ALG13: variants seen among roughly 807,000 people sequenced by gnomAD.
ALG13 encodes ALG13 UDP-N-acetylglucosaminyltransferase subunit.
A neutral mutation model predicts 87.8 loss-of-function variants in ALG13; 11 were observed. The ratio of observed to expected loss-of-function variants is 0.13; its 90% CI spans 0.08 to 0.21. The LOEUF (loss-of-function observed/expected upper bound fraction) is 0.21. Ranked by LOEUF, ALG13 falls within the 10% of genes least tolerant of loss-of-function variation. The pLI, the probability that ALG13 is intolerant of heterozygous loss-of-function variation, is 1.00. For missense variants in ALG13, 756 were observed against 866.1 expected, an observed-to-expected ratio of 0.87 and a Z score of 1.60; for synonymous variants, 320 against 306.3, an observed-to-expected ratio of 1.04 and a Z score of -0.47.
chrX:111,735,078 A>C lies in ALG13; in HGVS notation c.2485A>C (p.Met829Leu). ...LSLQDRKSCS[M>L]SPQDTVTSYN... ...TCTTCAGGACAGAAAGTCATGTTCT[A>C]TGTCTCCTCAGGACACAGTTACCTC... The change falls in exon 22 of 27, where the codon ATG becomes CTG. Residue 829 changes from methionine (M) to leucine (L), a missense_variant. Physicochemically the swap from Met to Leu is conservative, Grantham distance 15. Around this residue, in one of 9 missense-constraint regions of ALG13, gnomAD observed 362 missense variants for 383.5 expected, o/e 0.94. Coordinates refer to ENST00000394780, the MANE Select transcript of ALG13 (RefSeq NM_001099922.3). 8.4e-7 allele frequency: 1 copy of C among 1,193,702 alleles called. No individual in the cohort carries two copies. The highest frequency in any genetic ancestry group is 1.1e-6 in the Non-Finnish European group (1 of 880,711).
At chrX:111,742,856 A>G (rs773678845) in intron 23 of ALG13, among the ~76,000 whole-genome samples, 1 of 112,449 alleles carries the variant, frequency 8.9e-6, no homozygotes, top group Non-Finnish European at 1.9e-5. Flanking sequence ...TTCTGAATGC[A>G]TTACGTTGAT....
chrX:111,697,867 A>C (rs1410031338), intron 3 of ALG13, among the ~76,000 whole-genome samples: 1 of 111,739 alleles, frequency 8.9e-6, no homozygotes, highest in African/African-American at 3.3e-5. Context: ...AGGTCTTAAA[A>C]CTATTTCAGA....
chrX:111,759,144 ATTT>A (rs60549732), intron 26 of ALG13, among the ~76,000 whole-genome samples: 2 of 92,719 alleles, frequency 2.2e-5, no homozygotes. Flanking sequence ...CAAGTAATGA[ATTT>A]TTTTTTTTTT....
At chrX:111,683,396 C>T (rs1934061563) in intron 2 of ALG13, among the ~76,000 whole-genome samples, 1 of 97,060 alleles carries the variant, frequency 1.0e-5, no homozygotes, top group Admixed American at 1.2e-4. Context: ...GTGATGCTAT[C>T]TCGGCTCACT....
Position 111,708,296 on chromosome X carries a change from A to G in ALG13, c.653A>G (p.Asn218Ser), listed in dbSNP as rs1381356440. Residue 218 changes from asparagine (N) to serine (S), a missense_variant, in exon 4 of 27, where the codon AAT becomes AGT. Asn to Ser is a conservative substitution (Grantham distance 46). This residue lies in a region of ALG13 where 153 missense variants were observed against 168.7 expected (regional missense o/e 0.91). Coordinates refer to ENST00000394780, the MANE Select transcript of ALG13 (RefSeq NM_001099922.3). ...AACTACTGCAGCCAGAAGTCTTTGA[A>G]TGAGGCATCAATGGATGAATATTTA... is the stretch of plus-strand genomic sequence containing the variant. ...WKNYCSQKSL[N>S]EASMDEYLGS... 2 of 1,210,166 alleles carry G rather than the reference A, an allele frequency of 1.7e-6. No individual in the cohort carries two copies. Among genetic ancestry groups the G allele is most frequent in the Non-Finnish European group, 2.2e-6 (2 of 895,235 alleles).
intron 11 of ALG13, among the ~76,000 whole-genome samples, chrX:111,720,727 A>C (rs745586558): frequency 3.1e-4 from 35 of 111,758 alleles, no homozygotes; most frequent in African/African-American, 1.1e-3. Context: ...GAAAAATGGT[A>C]GTTCCTTTGG....
At chrX:111,711,527 CA>C in intron 5 of ALG13, 147 bp from the exon 6 acceptor site, 1 of 455,133 alleles carries the variant, frequency 2.2e-6, no homozygotes, top group Non-Finnish European at 3.6e-6. Flanking sequence ...TGTGTATGTG[CA>C]AATCTTCTTG....
intron 24 of ALG13, among the ~76,000 whole-genome samples, chrX:111,748,304 A>C (rs1446380160): frequency 1.8e-5 from 2 of 112,091 alleles, no homozygotes; most frequent in African/African-American, 6.5e-5. Context: ...CTAACATATA[A>C]ATTATTTCTT....
At chrX:111,700,466 G>A (rs1013383778) in intron 3 of ALG13, among the ~76,000 whole-genome samples, 1 of 110,631 alleles carries the variant, frequency 9.0e-6, no homozygotes, top group South Asian at 3.8e-4. Flanking sequence ...AAAAGCTTTC[G>A]ATTTTTCACT....
At chrX:111,753,075 A>G (rs1944902121) in intron 25 of ALG13, 1 of 253,140 alleles carries the variant, frequency 4.0e-6, no homozygotes, top group Non-Finnish European at 7.0e-6. Context: ...CAGCACAATC[A>G]GCATATATTA....
chrX:111,727,455 G>A lies in ALG13; in HGVS notation c.2090+10G>A. 8.6e-7 allele frequency: 1 copy of A among 1,166,404 alleles called. No homozygotes were observed. Among genetic ancestry groups the A allele is most frequent in the Non-Finnish European group, 1.2e-6 (1 of 858,965 alleles). ...TCTCTTATAGATCTCGGTAAGTATT[G>A]TGTTGAAAGTCAGAGAAAATTGGTA... On this transcript the variant is annotated intron_variant, in intron 17 of 26. Coordinates refer to ENST00000394780, the MANE Select transcript of ALG13 (RefSeq NM_001099922.3).
intron 8 of ALG13, 100 bp downstream of exon 8, chrX:111,713,397 A>C (rs1028908535): frequency 1.8e-6 from 1 of 545,240 alleles, no homozygotes; most frequent in African/African-American, 2.3e-5. Flanking sequence ...AATGAAAAGC[A>C]TAGTCTGAAT....
At chrX:111,727,486 G>C (rs1280989986) in intron 17 of ALG13, 41 bp downstream of exon 17, 6 of 1,115,868 alleles carry the variant, frequency 5.4e-6, no homozygotes, top group Non-Finnish European at 4.9e-6. Context: ...TGGTAAGTCT[G>C]ATTTCATTGC....
In ALG13 at chrX:111,757,737, C is replaced by T. The variant is rs774432010; in HGVS notation, c.3123C>T (p.Gly1041=). 2.5e-6 allele frequency: 3 copies of T among 1,207,733 alleles called. No homozygotes were observed. Among genetic ancestry groups the T allele is most frequent in the Admixed American group, 4.4e-5 (2 of 45,320 alleles). ...ACAGTGAGGTGAGGAGAGAAGATGG[C>T]ATACAGGCGGAAGCATCAGCAAATG... ...QCYSEVRRED[G]IQAEASANDT... is the part of the protein sequence containing the mutation. The change falls in exon 26 of 27, where the codon GGC becomes GGT. Residue 1041 remains glycine (G), a synonymous_variant. Transcript: ENST00000394780.
intron 3 of ALG13, among the ~76,000 whole-genome samples, chrX:111,705,512 T>G (rs1407120791): frequency 6.3e-5 from 7 of 111,828 alleles, no homozygotes. Flanking sequence ...TTTTCTATTA[T>G]GTATCTGAGA....
At chrX:111,709,663 A>G (rs1180071028) in intron 5 of ALG13, among the ~76,000 whole-genome samples, 1 of 109,749 alleles carries the variant, frequency 9.1e-6, no homozygotes, top group East Asian at 2.8e-4. Flanking sequence ...ATTCTTGTTA[A>G]TGAAATTGGA....
At chrX:111,758,205 A>G (rs1402042581) in intron 26 of ALG13, among the ~76,000 whole-genome samples, 1 of 111,915 alleles carries the variant, frequency 8.9e-6, no homozygotes. Flanking sequence ...ACAAAAATGG[A>G]ACTACTTATA....
intron 3 of ALG13, among the ~76,000 whole-genome samples, chrX:111,691,488 G>A (rs771690846): frequency 2.2e-4 from 25 of 112,254 alleles, no homozygotes; most frequent in Admixed American, 2.2e-3. Context: ...ACTATTCAGA[G>A]CACTTTACAC....
chrX:111,701,625 G>T (rs1330803235), intron 3 of ALG13, among the ~76,000 whole-genome samples: 1 of 111,315 alleles, frequency 9.0e-6, no homozygotes, highest in Non-Finnish European at 1.9e-5. Context: ...ATCTTTTCAA[G>T]GAACTAACTC....
Sources: allele counts gnomAD v4.1 joint callset (sites outside exome capture counted in the v4.1 genomes callset), GRCh38; gene constraint gnomAD v4.1.1; regional missense constraint gnomAD v4.1.1; transcripts MANE v1.5; gene names NCBI Gene and HGNC (gene_info 2026-07-23, HGNC 2026-07-21).